Variants in TBC1D4 observed in about 807,000 individuals in gnomAD.
The protein encoded by TBC1D4 is TBC1 domain family member 4.
A neutral mutation model predicts 142.5 loss-of-function variants in TBC1D4; 121 were observed. The ratio of observed to expected loss-of-function variants is 0.85; its 90% CI spans 0.73 to 0.99. TBC1D4 has a LOEUF of 0.99. Ranked by LOEUF, TBC1D4 falls within the 50% of genes least tolerant of loss-of-function variation. TBC1D4 has a pLI of 0.00. For synonymous variants in TBC1D4, 630 were observed against 628.2 expected, an observed-to-expected ratio of 1.00 and a Z score of -0.04; for missense variants, 1,475 against 1,606.6, an observed-to-expected ratio of 0.92 and a Z score of 1.40.
chr13:75,449,153 C>T (rs1425664069), intron 1 of TBC1D4, among the ~76,000 whole-genome samples: 8 of 151,920 alleles, frequency 5.3e-5, no homozygotes, highest in Admixed American at 5.2e-4. Context: ...AGTAATCCCC[C>T]CGTGTCCTCA....
chr13:75,468,057 C>T (rs1417182564), intron 1 of TBC1D4, among the ~76,000 whole-genome samples: 2 of 152,124 alleles, frequency 1.3e-5, no homozygotes, highest in Admixed American at 6.5e-5. Flanking sequence ...CAACTCTTAG[C>T]CCTGCCCTGC....
intron 14 of TBC1D4, among the ~76,000 whole-genome samples, chr13:75,309,558 AAAAG>A (rs1233829378): frequency 2.6e-5 from 4 of 152,194 alleles, no homozygotes; most frequent in Non-Finnish European, 4.4e-5. Context: ...ACATTCAAAG[AAAAG>A]AAAATTTGCT....
chr13:75,303,304 G>A (rs1282897403), intron 15 of TBC1D4, among the ~76,000 whole-genome samples: 2 of 151,918 alleles, frequency 1.3e-5, no homozygotes, highest in African/African-American at 2.4e-5. Context: ...GAGACACAGC[G>A]AGACTCTGTC....
intron 1 of TBC1D4, among the ~76,000 whole-genome samples, chr13:75,444,527 T>C (rs886751350): frequency 5.3e-5 from 8 of 152,240 alleles, no homozygotes; most frequent in Admixed American, 2.0e-4. Flanking sequence ...AAAAGTTTAA[T>C]AATTTCACAT....
At chr13:75,287,127 T>A in intron 20 of TBC1D4, 102 bp from the exon 21 acceptor site, 3 of 992,760 alleles carry the variant, frequency 3.0e-6, no homozygotes, top group Non-Finnish European at 4.7e-6. Flanking sequence ...TAATAAAATA[T>A]TATGTGAAGC....
At chr13:75,412,512 C>T in intron 1 of TBC1D4, among the ~76,000 whole-genome samples, 1 of 151,994 alleles carries the variant, frequency 6.6e-6, no homozygotes, top group East Asian at 1.9e-4. Context: ...CACTATGTTG[C>T]AAGGCTGGTC....
Position 75,310,031 on chromosome 13 carries a change from T to A in TBC1D4, c.2504A>T (p.Lys835Ile). The change falls in exon 14 of 21, where the codon AAA (lysine) becomes ATA (isoleucine). Residue 835 changes from lysine to isoleucine, a missense_variant. Physicochemically the swap from Lys to Ile is moderately radical, Grantham distance 102. Transcript: ENST00000377636. ...DDPEKIEERKKSKELRSLWRK... is the reference protein window; with the variant it reads ...DDPEKIEERKISKELRSLWRK... The stretch of plus-strand genomic sequence containing the variant: ...CCACAAGCTCCTCAGTTCTTTTGAT[T>A]TCTTTCTTTCTTCAATCTTTTCTGG... 6.2e-7 allele frequency: 1 copy of A among 1,614,152 alleles called. No homozygotes were observed. Among genetic ancestry groups the A allele is most frequent in the South Asian group, 1.1e-5 (1 of 91,078 alleles).
rs969900016 is a variant in TBC1D4 at position 75,324,119 on chromosome 13, C to G, written c.2198+118G>C. 3.0e-5 allele frequency: 36 copies of G among 1,189,558 alleles called. 2 individuals carry two copies. In the South Asian group the frequency reaches 4.6e-4, roughly 15 times the overall value. The allele number at this position is 1,189,558 out of a possible 1,614,324, so 73.7% of individuals were successfully genotyped here. ...CCAATATATTAGAAACAGATTAGAA[C>G]AAGCACAACACAGGGATGCATAAAT... On this transcript the variant is annotated intron_variant, in intron 11 of 20. Coordinates refer to ENST00000377636, the MANE Select transcript of TBC1D4 (RefSeq NM_014832.5).
At chr13:75,473,987 C>T (rs1345495110) in intron 1 of TBC1D4, among the ~76,000 whole-genome samples, 1 of 151,988 alleles carries the variant, frequency 6.6e-6, no homozygotes, top group African/African-American at 2.4e-5. Context: ...AGTTTATTCC[C>T]CCGCCATACT....
chr13:75,398,987 G>GT (rs1171750396), intron 1 of TBC1D4, among the ~76,000 whole-genome samples: 1 of 152,190 alleles, frequency 6.6e-6, no homozygotes, highest in Non-Finnish European at 1.5e-5. Context: ...CTCAAACAGA[G>GT]TAGACTGTAA....
intron 1 of TBC1D4, among the ~76,000 whole-genome samples, chr13:75,459,906 G>C (rs1368971816): frequency 6.6e-6 from 1 of 152,232 alleles, no homozygotes; most frequent in Non-Finnish European, 1.5e-5. Context: ...ACTTTGGGAA[G>C]CTGAGGTGGG....
At chr13:75,463,682 A>G (rs1204568528) in intron 1 of TBC1D4, among the ~76,000 whole-genome samples, 1 of 152,196 alleles carries the variant, frequency 6.6e-6, no homozygotes, top group African/African-American at 2.4e-5. Flanking sequence ...TACTGATATT[A>G]AGATGTGATA....
intron 1 of TBC1D4, among the ~76,000 whole-genome samples, chr13:75,365,952 G>C (rs965207338): frequency 3.3e-5 from 5 of 152,172 alleles, no homozygotes; most frequent in African/African-American, 9.7e-5. Context: ...CAAGAGATCT[G>C]TCACACCCAA....
intron 1 of TBC1D4, among the ~76,000 whole-genome samples, chr13:75,415,776 A>G (rs1885891444): frequency 6.6e-6 from 1 of 152,220 alleles, no homozygotes; most frequent in African/African-American, 2.4e-5. Flanking sequence ...TCATCTTGTT[A>G]TATTTTATGG....
chr13:75,381,438 TAATAGGATTTCTCCA>T, intron 1 of TBC1D4, among the ~76,000 whole-genome samples: 1 of 152,238 alleles, frequency 6.6e-6, no homozygotes, highest in African/African-American at 2.4e-5. Context: ...CTATATCAAG[TAATAGGATTTCTCCA>T]ATGATTTAAA....
At chr13:75,335,526 G>A (rs560474757) in intron 8 of TBC1D4, among the ~76,000 whole-genome samples, 4 of 152,142 alleles carry the variant, frequency 2.6e-5, no homozygotes, top group African/African-American at 7.2e-5. Context: ...GTTTGGATCC[G>A]CCCAAATCTC....
intron 1 of TBC1D4, among the ~76,000 whole-genome samples, chr13:75,408,550 TAG>T (rs1377540412): frequency 1.3e-5 from 2 of 152,192 alleles, no homozygotes; most frequent in Non-Finnish European, 2.9e-5. Context: ...TGAGTTTTTG[TAG>T]AGAGTTACGT....
At chr13:75,299,133 C>T (rs1242759219) in intron 17 of TBC1D4, among the ~76,000 whole-genome samples, 197 bp downstream of exon 17, 1 of 152,166 alleles carries the variant, frequency 6.6e-6, no homozygotes, top group Non-Finnish European at 1.5e-5. Context: ...GGTATTCTGC[C>T]TCTGGGTCTC....
At chr13:75,419,658 A>C (rs1886080519) in intron 1 of TBC1D4, among the ~76,000 whole-genome samples, 1 of 152,214 alleles carries the variant, frequency 6.6e-6, no homozygotes, top group South Asian at 2.1e-4. Context: ...CCACAGAGGG[A>C]GGCTGAAGTG....
Sources: gnomAD v4.1 joint callset for allele counts (sites outside exome capture counted in the v4.1 genomes callset) on GRCh38, gnomAD v4.1.1 for gene constraint, MANE v1.5 for transcripts, NCBI Gene and HGNC (gene_info 2026-07-23, HGNC 2026-07-21) for gene names.